C7orf78: variants seen among roughly 807,000 people sequenced by gnomAD.
C7orf78 encodes the protein putative uncharacterized protein C7orf78.
the C7orf78 span, among the ~76,000 whole-genome samples, chr7:12,520,262 T>C: frequency 6.6e-6 from 1 of 152,214 alleles, no homozygotes; most frequent in Admixed American, 6.5e-5. Flanking sequence ...ATCTATTTGG[T>C]TAAGTTTTGT....
At chr7:12,540,517 G>T in the C7orf78 span, among the ~76,000 whole-genome samples, 1 of 152,136 alleles carries the variant, frequency 6.6e-6, no homozygotes, top group Admixed American at 6.5e-5. Flanking sequence ...TATTATTATT[G>T]TTGTTATAAT....
the C7orf78 span, chr7:12,541,642 G>A: frequency 1.3e-5 from 2 of 151,186 alleles, no homozygotes; most frequent in African/African-American, 2.4e-5. Context: ...GTTAGTGATA[G>A]TGTTTATTTC....
At chr7:12,513,951 G>T in the C7orf78 span, among the ~76,000 whole-genome samples, 4 of 152,202 alleles carry the variant, frequency 2.6e-5, no homozygotes, top group East Asian at 7.7e-4. Flanking sequence ...AGTGAGCTGA[G>T]ATCACGCCAC....
At chr7:12,491,105 C>G in the C7orf78 span, 2 of 152,070 alleles carry the variant, frequency 1.3e-5, no homozygotes, top group Non-Finnish European at 2.9e-5. Context: ...ATGGCCTTGT[C>G]TTTTTCAGCT....
At chr7:12,487,873 T>A in the C7orf78 span, among the ~76,000 whole-genome samples, 1 of 151,994 alleles carries the variant, frequency 6.6e-6, no homozygotes, top group Non-Finnish European at 1.5e-5. Context: ...TTATAACCAA[T>A]AAGAACCAAA....
At chr7:12,534,977 GGGAAGGAA>G in the C7orf78 span, among the ~76,000 whole-genome samples, 801 of 130,482 alleles carry the variant, frequency 6.1e-3, 9 homozygotes, top group African/African-American at 0.022. Flanking sequence ...GAAGGAAGGA[GGGAAGGAA>G]GGAAGGAAGG....
At chr7:12,509,504 C>G in the C7orf78 span, among the ~76,000 whole-genome samples, 7 of 152,124 alleles carry the variant, frequency 4.6e-5, no homozygotes, top group African/African-American at 1.4e-4. Context: ...ATTAAATATA[C>G]TAAATATTGT....
the C7orf78 span, among the ~76,000 whole-genome samples, chr7:12,492,957 C>G: frequency 6.6e-6 from 1 of 152,166 alleles, no homozygotes; most frequent in Admixed American, 6.5e-5. Flanking sequence ...AATCCCAGCA[C>G]TTTGGGAGGC....
the C7orf78 span, among the ~76,000 whole-genome samples, chr7:12,526,477 T>A: frequency 6.6e-6 from 1 of 152,102 alleles, no homozygotes; most frequent in African/African-American, 2.4e-5. Context: ...AATGCTATAT[T>A]TACATATTAT....
chr7:12,524,857 C>A, the C7orf78 span, among the ~76,000 whole-genome samples: 1 of 151,212 alleles, frequency 6.6e-6, no homozygotes, highest in Non-Finnish European at 1.5e-5. Context: ...AAATATTTTA[C>A]TAATAACAGA....
At chr7:12,519,358 A>AGCAGCT in the C7orf78 span, among the ~76,000 whole-genome samples, 1 of 152,168 alleles carries the variant, frequency 6.6e-6, no homozygotes, top group Non-Finnish European at 1.5e-5. Context: ...TGGCAGCAAG[A>AGCAGCT]GCAGCTGCAG....
the C7orf78 span, chr7:12,504,560 C>G: frequency 3.3e-5 from 5 of 152,136 alleles, no homozygotes; most frequent in Non-Finnish European, 7.4e-5. Flanking sequence ...AGTGAAGTAA[C>G]TGGTTTTCTA....
the C7orf78 span, among the ~76,000 whole-genome samples, chr7:12,503,146 G>A: frequency 7.3e-6 from 1 of 136,788 alleles, no homozygotes; most frequent in African/African-American, 2.9e-5. Flanking sequence ...TGACGAGTTA[G>A]TGGGTGCAGC....
the C7orf78 span, chr7:12,522,953 T>C: frequency 2.5e-6 from 1 of 398,146 alleles, no homozygotes; most frequent in Non-Finnish European, 4.4e-6. Context: ...GCTTCACCTA[T>C]TTCCATGTGT....
the C7orf78 span, among the ~76,000 whole-genome samples, chr7:12,498,268 G>A: frequency 6.6e-3 from 1,004 of 151,262 alleles, 22 homozygotes; most frequent in African/African-American, 0.023. Context: ...AGAAGGCTTC[G>A]GACGATCAAA....
the C7orf78 span, among the ~76,000 whole-genome samples, chr7:12,512,326 G>T: frequency 6.6e-6 from 1 of 152,104 alleles, no homozygotes; most frequent in Non-Finnish European, 1.5e-5. Flanking sequence ...CTGTGGGTTT[G>T]TCATATATGG....
the C7orf78 span, among the ~76,000 whole-genome samples, chr7:12,490,910 A>C: frequency 1.3e-5 from 2 of 151,978 alleles, no homozygotes; most frequent in Non-Finnish European, 2.9e-5. Context: ...AGAGCACCAG[A>C]TTCAAAAAGT....
At chr7:12,522,496 C>A in the C7orf78 span, among the ~76,000 whole-genome samples, 1 of 152,138 alleles carries the variant, frequency 6.6e-6, no homozygotes, top group African/African-American at 2.4e-5. Flanking sequence ...ACAAATTTCA[C>A]ATACTTTCTA....
the C7orf78 span, among the ~76,000 whole-genome samples, chr7:12,505,474 C>A: frequency 6.6e-6 from 1 of 151,972 alleles, no homozygotes; most frequent in Non-Finnish European, 1.5e-5. Context: ...AAACATAAAT[C>A]CTGATACAGA....
Sources: gnomAD v4.1 joint callset for allele counts (sites outside exome capture counted in the v4.1 genomes callset) on GRCh38, gnomAD v4.1.1 for gene constraint, MANE v1.5 for transcripts, NCBI Gene and HGNC (gene_info 2026-07-23, HGNC 2026-07-21) for gene names.